The following PKNOX2 variants were observed in gnomAD, a reference collection of about 807,000 sequenced individuals.
PKNOX2 encodes PBX/knotted 1 homeobox 2, also known as homeobox protein PKNOX2.
In PKNOX2, 14 loss-of-function variants were observed where a neutral mutation model predicts 53.1. The ratio of observed to expected loss-of-function variants is 0.26; its 90% confidence interval spans 0.17 to 0.41. The LOEUF (loss-of-function observed/expected upper bound fraction) is 0.41. Ranked by LOEUF, PKNOX2 falls within the 10% of genes least tolerant of loss-of-function variation. PKNOX2 has a pLI of 1.00. For missense variants in PKNOX2, 496 were observed against 602.8 expected, an observed-to-expected ratio of 0.82 and a Z score of 1.85; for synonymous variants, 257 against 242.8, an observed-to-expected ratio of 1.06 and a Z score of -0.54.
intron 10 of PKNOX2, among the ~76,000 whole-genome samples, chr11:125,428,152 G>A (rs562135926): frequency 1.3e-4 from 20 of 152,232 alleles, no homozygotes; most frequent in South Asian, 4.1e-4. Flanking sequence ...TCCCAGTGCC[G>A]TCATGAAGCA....
At chr11:125,293,330 G>A (rs1053932820) in intron 2 of PKNOX2, among the ~76,000 whole-genome samples, 4 of 152,188 alleles carry the variant, frequency 2.6e-5, no homozygotes, top group African/African-American at 9.7e-5. Flanking sequence ...TGGGCAGGTG[G>A]ATGACTAATG....
intron 2 of PKNOX2, among the ~76,000 whole-genome samples, chr11:125,324,437 C>A (rs1356749338): frequency 6.6e-6 from 1 of 152,168 alleles, no homozygotes; most frequent in East Asian, 1.9e-4. Context: ...CTTTATCCAG[C>A]AAATATGCTG....
intron 6 of PKNOX2, among the ~76,000 whole-genome samples, chr11:125,397,320 A>G (rs912190929): frequency 1.3e-5 from 2 of 152,224 alleles, no homozygotes; most frequent in African/African-American, 4.8e-5. Flanking sequence ...CTTGTTTAAG[A>G]ATAGACAGTC....
intron 1 of PKNOX2, among the ~76,000 whole-genome samples, chr11:125,226,703 A>G (rs1160013118): frequency 6.6e-6 from 1 of 150,984 alleles, no homozygotes; most frequent in Non-Finnish European, 1.5e-5. Context: ...TAGATGGTAC[A>G]ACTAGGAGCG....
intron 2 of PKNOX2, among the ~76,000 whole-genome samples, chr11:125,297,095 C>T (rs181633772): frequency 4.6e-5 from 7 of 152,278 alleles, no homozygotes; most frequent in East Asian, 3.9e-4. Flanking sequence ...ATTTACAGGA[C>T]GCTTACATGC....
chr11:125,293,813 T>A (rs552874516), intron 2 of PKNOX2, among the ~76,000 whole-genome samples: 61 of 151,218 alleles, frequency 4.0e-4, no homozygotes, highest in African/African-American at 1.4e-3. Context: ...TCACACACAC[T>A]CACACACACT....
At chr11:125,401,842 C>T (rs979586941) in intron 7 of PKNOX2, among the ~76,000 whole-genome samples, 35 of 152,140 alleles carry the variant, frequency 2.3e-4, no homozygotes, top group African/African-American at 8.2e-4. Context: ...CCCTTAATCC[C>T]CCCGGCCTGA....
chr11:125,179,975 T>A (rs536044356), intron 1 of PKNOX2, among the ~76,000 whole-genome samples: 3 of 152,304 alleles, frequency 2.0e-5, no homozygotes, highest in Non-Finnish European at 2.9e-5. Flanking sequence ...TCCCCATGGC[T>A]GAATCTCCTC....
At position 125,419,452 on chromosome 11, in the gene PKNOX2, G is replaced by GAA. The variant is rs11309457; in HGVS notation, c.936+7600_936+7601dup. ...AAAGCAAGAACCCCTGAAAAAAAAA[G>GAA]AAAAAAAAAAAAAACAAGAAAATGG... On this transcript the variant is annotated intron_variant, in intron 10 of 12. Transcript: ENST00000298282. Among the ~76,000 whole-genome samples the GAA allele has an allele frequency of 3.9e-4, 54 of 137,794 alleles. 1 individual carries two copies. Among genetic ancestry groups the GAA allele is most frequent in the Admixed American group, 9.5e-4 (13 of 13,614 alleles). 90.4% of individuals were successfully genotyped at this position (137,794 alleles called of 152,430 possible).
chr11:125,284,804 T>C (rs896135577), intron 2 of PKNOX2, among the ~76,000 whole-genome samples: 1 of 152,128 alleles, frequency 6.6e-6, no homozygotes, highest in Non-Finnish European at 1.5e-5. Context: ...CTGGAGGTCA[T>C]TGGGCCCCCC....
chr11:125,186,868 C>T (rs904044350), intron 1 of PKNOX2, among the ~76,000 whole-genome samples: 2 of 151,970 alleles, frequency 1.3e-5, no homozygotes, highest in Admixed American at 1.3e-4. Context: ...GGTTGTTGAT[C>T]CATTTTGAGT....
chr11:125,351,319 C>T lies in PKNOX2; in HGVS notation c.14C>T (p.Ala5Val). The change falls in exon 4 of 13, where the codon GCC (alanine) becomes GTC (valine). Residue 5 changes from alanine to valine, a missense_variant. By Grantham distance (64) the Ala-to-Val change is moderately conservative. Transcript: ENST00000298282. Reference sequence around the variant, plus strand: ...TGAATCAATCCCATGATGCAACATGCCTCCCCAGCCCCCGCTCTGACGATG... The same window carrying T: ...TGAATCAATCCCATGATGCAACATGTCTCCCCAGCCCCCGCTCTGACGATG... MMQH[A>V]SPAPALTMMA... 1.2e-6 allele frequency: 2 copies of T among 1,602,286 alleles called. No individual in the cohort carries two copies. Among genetic ancestry groups the T allele is most frequent in the Non-Finnish European group, 1.7e-6 (2 of 1,171,326 alleles).
chr11:125,257,163 T>C (rs913052304), intron 2 of PKNOX2, among the ~76,000 whole-genome samples: 2 of 152,246 alleles, frequency 1.3e-5, no homozygotes, highest in African/African-American at 4.8e-5. Context: ...ACTGTTTGCA[T>C]CTGGGCCTGT....
chr11:125,334,487 G>A (rs995695642), intron 3 of PKNOX2, among the ~76,000 whole-genome samples: 6 of 152,148 alleles, frequency 3.9e-5, no homozygotes, highest in African/African-American at 1.4e-4. Flanking sequence ...GGTTCCTTGA[G>A]GAAACTTAGG....
At chr11:125,256,737 G>T (rs532216160) in intron 2 of PKNOX2, among the ~76,000 whole-genome samples, 1 of 152,116 alleles carries the variant, frequency 6.6e-6, no homozygotes, top group African/African-American at 2.4e-5. Context: ...GCCACTTCCT[G>T]GTTTCTCAGC....
chr11:125,411,656 CAGCCAAGCCTGCCGTCG>C (rs1565519993), intron 9 of PKNOX2, 73 bp from the exon 10 acceptor site: 1 of 1,603,010 alleles, frequency 6.2e-7, no homozygotes, highest in South Asian at 1.1e-5. Flanking sequence ...AAGGGGCTGG[CAGCCAAGCCTGCCGTCG>C]CTATGGCAAC....
chr11:125,393,846 C>A (rs1954227925), intron 6 of PKNOX2, among the ~76,000 whole-genome samples: 1 of 150,372 alleles, frequency 6.7e-6, no homozygotes, highest in South Asian at 2.1e-4. Flanking sequence ...CACTTTCTCC[C>A]AAACCACGCA....
intron 1 of PKNOX2, among the ~76,000 whole-genome samples, chr11:125,171,177 C>G (rs534112386): frequency 6.6e-6 from 1 of 152,202 alleles, no homozygotes; most frequent in Non-Finnish European, 1.5e-5. Context: ...GGAAATAGAA[C>G]CCAGTAATCG....
intron 3 of PKNOX2, among the ~76,000 whole-genome samples, chr11:125,347,860 C>T (rs181881306): frequency 4.6e-5 from 7 of 152,282 alleles, no homozygotes; most frequent in East Asian, 1.9e-4. Flanking sequence ...AGCCTGTTCG[C>T]GATGGGAAAT....
Sources: gnomAD v4.1 joint callset for allele counts (sites outside exome capture counted in the v4.1 genomes callset) on GRCh38, gnomAD v4.1.1 for gene constraint, MANE v1.5 for transcripts, NCBI Gene and HGNC (gene_info 2026-07-23, HGNC 2026-07-21) for gene names.